The following RGS6 variants were observed in gnomAD, a reference collection of about 807,000 sequenced individuals.
The protein encoded by RGS6 is regulator of G protein signaling 6.
In RGS6, 30 loss-of-function variants were observed where a neutral mutation model predicts 78.5. The ratio of observed to expected loss-of-function variants is 0.38; its 90% CI spans 0.29 to 0.52. The LOEUF (loss-of-function observed/expected upper bound fraction) is 0.52, where lower values mean the gene tolerates loss of function less well. RGS6 is among the 20% of genes least tolerant of loss of function. RGS6 has a pLI of 0.85. For synonymous variants in RGS6, 206 were observed against 206.0 expected (o/e 1.00, Z 0.00); for missense variants, 495 against 609.7 (o/e 0.81, Z 1.98).
chr14:72,340,958 T>C (rs1206251903), intron 2 of RGS6, among the ~76,000 whole-genome samples: 1 of 152,008 alleles, frequency 6.6e-6, no homozygotes, highest in Non-Finnish European at 1.5e-5. Context: ...TAAGTAGAGG[T>C]ATGTGGCTCT....
chr14:72,551,129 C>T (rs774768101), intron 17 of RGS6, among the ~76,000 whole-genome samples: 4 of 152,038 alleles, frequency 2.6e-5, no homozygotes, highest in African/African-American at 4.8e-5. Flanking sequence ...TGTGAGCCAC[C>T]GTGCCCAGCT....
intron 2 of RGS6, among the ~76,000 whole-genome samples, chr14:72,163,681 G>A (rs751570233): frequency 3.3e-5 from 5 of 152,126 alleles, no homozygotes; most frequent in African/African-American, 7.2e-5. Context: ...TCAGGCGTTC[G>A]AGACCAGCCT....
chr14:72,606,492 G>A, the RGS6 span, among the ~76,000 whole-genome samples: 1 of 152,230 alleles, frequency 6.6e-6, no homozygotes, highest in South Asian at 2.1e-4. Context: ...GCCGGGTGTT[G>A]AGCCACTCAT....
At chr14:71,888,858 AAG>A in the RGS6 span, among the ~76,000 whole-genome samples, 1 of 152,170 alleles carries the variant, frequency 6.6e-6, no homozygotes, top group Admixed American at 6.5e-5. Flanking sequence ...TGTTATTCTT[AAG>A]CATTATCACA....
chr14:71,938,372 C>A (rs2089918729), intron 1 of RGS6, among the ~76,000 whole-genome samples: 1 of 152,228 alleles, frequency 6.6e-6, no homozygotes, highest in African/African-American at 2.4e-5. Flanking sequence ...CAGCTAGGTG[C>A]ACTGCTTGAA....
At chr14:72,180,266 C>A (rs1390529986) in intron 2 of RGS6, among the ~76,000 whole-genome samples, 8 of 152,162 alleles carry the variant, frequency 5.3e-5, no homozygotes, top group African/African-American at 1.9e-4. Context: ...TATTCCCAAG[C>A]AAATAAAATC....
At chr14:72,044,690 G>T (rs188336351) in intron 2 of RGS6, among the ~76,000 whole-genome samples, 11 of 152,240 alleles carry the variant, frequency 7.2e-5, no homozygotes, top group Admixed American at 6.5e-4. Context: ...GGCCAACATG[G>T]TGAGACTCTG....
chr14:72,369,839 TATAAA>T (rs1450467936), intron 3 of RGS6, among the ~76,000 whole-genome samples: 4 of 152,192 alleles, frequency 2.6e-5, no homozygotes, highest in African/African-American at 7.2e-5. Context: ...ATCAATTAGT[TATAAA>T]ATAAAATTTA....
At chr14:72,067,309 C>T (rs544870904) in intron 2 of RGS6, among the ~76,000 whole-genome samples, 9 of 151,900 alleles carry the variant, frequency 5.9e-5, no homozygotes, top group Admixed American at 2.0e-4. Flanking sequence ...CAAGGCCTGT[C>T]GGGGAGGTGG....
intron 2 of RGS6, among the ~76,000 whole-genome samples, chr14:72,302,975 C>T (rs1397840256): frequency 6.6e-6 from 1 of 152,206 alleles, no homozygotes; most frequent in African/African-American, 2.4e-5. Context: ...TTCCCTGCCG[C>T]CATGTAAGAC....
chr14:72,540,382 G>A (rs2097308393), intron 17 of RGS6: 3 of 1,455,606 alleles, frequency 2.1e-6, no homozygotes, highest in Middle Eastern at 1.9e-4. Flanking sequence ...GAGGAGGAGG[G>A]ACCCTGCTGC....
chr14:71,963,473 G>A (rs568241320), intron 1 of RGS6, among the ~76,000 whole-genome samples: 16 of 152,254 alleles, frequency 1.1e-4, no homozygotes, highest in African/African-American at 3.6e-4. Flanking sequence ...CAAGGCCCCT[G>A]AAGGAGACCC....
intron 3 of RGS6, among the ~76,000 whole-genome samples, chr14:72,396,625 T>C (rs2091339295): frequency 2.0e-5 from 3 of 152,218 alleles, no homozygotes; most frequent in Admixed American, 6.5e-5. Context: ...TGCCCACGCC[T>C]ATGTCCTGAA....
At chr14:72,303,767 T>G (rs2066620859) in intron 2 of RGS6, among the ~76,000 whole-genome samples, 1 of 152,212 alleles carries the variant, frequency 6.6e-6, no homozygotes, top group Non-Finnish European at 1.5e-5. Flanking sequence ...CTATGCATGA[T>G]GCAAACATAT....
At chr14:72,588,946 C>G in the RGS6 span, among the ~76,000 whole-genome samples, 15 of 152,160 alleles carry the variant, frequency 9.9e-5, no homozygotes, top group Non-Finnish European at 1.5e-4. Flanking sequence ...AGCATGCCCC[C>G]CCAACTCTGT....
At chr14:72,221,964 A>G (rs779147593) in intron 2 of RGS6, among the ~76,000 whole-genome samples, 1 of 152,216 alleles carries the variant, frequency 6.6e-6, no homozygotes, top group African/African-American at 2.4e-5. Context: ...TAACATGTCC[A>G]CTTCATCCCT....
chr14:72,554,573 A>T (rs1189960690), intron 17 of RGS6, among the ~76,000 whole-genome samples: 1 of 152,016 alleles, frequency 6.6e-6, no homozygotes, highest in Non-Finnish European at 1.5e-5. Flanking sequence ...TCCATTTGGG[A>T]AGGAGGAGGA....
the RGS6 span, among the ~76,000 whole-genome samples, chr14:72,625,917 G>T: frequency 2.0e-5 from 3 of 152,090 alleles, no homozygotes; most frequent in Admixed American, 6.5e-5. Flanking sequence ...AGCATACGTA[G>T]TTTCAGAATT....
intron 10 of RGS6, among the ~76,000 whole-genome samples, chr14:72,475,105 C>T (rs937065222): frequency 1.3e-5 from 2 of 150,800 alleles, no homozygotes; most frequent in African/African-American, 4.9e-5. Flanking sequence ...GGGGAGGTGG[C>T]AGGGAGGGGA....
Sources: allele counts gnomAD v4.1 joint callset (sites outside exome capture counted in the v4.1 genomes callset), GRCh38; gene constraint gnomAD v4.1.1; transcripts MANE v1.5; gene names NCBI Gene and HGNC (gene_info 2026-07-23, HGNC 2026-07-21).